PKNOX2: variants seen among roughly 807,000 people sequenced by gnomAD.
PKNOX2 encodes the protein PBX/knotted 1 homeobox 2, also known as homeobox protein PKNOX2.
Under a neutral mutation model 53.1 loss-of-function variants are expected in PKNOX2, and 14 were observed. That is an observed-to-expected ratio of 0.26 (90% confidence interval 0.17 to 0.41). The LOEUF (loss-of-function observed/expected upper bound fraction) is 0.41, where lower values mean the gene tolerates loss of function less well. Among genes scored for constraint, PKNOX2 ranks in the 10% least tolerant of loss-of-function variants. PKNOX2 has a pLI of 1.00. For missense variants in PKNOX2, 496 were observed against 602.8 expected (o/e 0.82, Z 1.85); for synonymous variants, 257 against 242.8 (o/e 1.06, Z -0.54).
At chr11:125,237,104 C>T (rs1942757999) in intron 2 of PKNOX2, among the ~76,000 whole-genome samples, 1 of 152,204 alleles carries the variant, frequency 6.6e-6, no homozygotes, top group Non-Finnish European at 1.5e-5. Flanking sequence ...CTTGCTCCCT[C>T]ATCATTCTGG....
intron 2 of PKNOX2, among the ~76,000 whole-genome samples, chr11:125,243,544 G>T (rs1162895986): frequency 6.6e-6 from 1 of 151,832 alleles, no homozygotes; most frequent in Non-Finnish European, 1.5e-5. Flanking sequence ...TTGTGCCATA[G>T]TTGCTGCACT....
chr11:125,231,900 G>A (rs1825723445), intron 1 of PKNOX2, among the ~76,000 whole-genome samples: 1 of 152,174 alleles, frequency 6.6e-6, no homozygotes, highest in African/African-American at 2.4e-5. Flanking sequence ...AACACTATCA[G>A]CCTTCGAATG....
intron 2 of PKNOX2, among the ~76,000 whole-genome samples, chr11:125,324,883 C>T (rs1949742906): frequency 6.6e-6 from 1 of 152,050 alleles, no homozygotes; most frequent in Non-Finnish European, 1.5e-5. Context: ...GACTCAGAGG[C>T]TGAGGGTCTG....
chr11:125,343,849 T>TA (rs959084100), intron 3 of PKNOX2, among the ~76,000 whole-genome samples: 3 of 151,534 alleles, frequency 2.0e-5, no homozygotes, highest in South Asian at 2.1e-4. Context: ...GAAGCCCAGT[T>TA]AAAAAAAATA....
intron 6 of PKNOX2, among the ~76,000 whole-genome samples, chr11:125,393,115 G>A (rs1261738767): frequency 2.7e-5 from 4 of 148,792 alleles, no homozygotes; most frequent in Non-Finnish European, 4.4e-5. Context: ...AGTCGAGATC[G>A]CGCCACTGCA....
intron 1 of PKNOX2, among the ~76,000 whole-genome samples, chr11:125,175,297 G>A (rs1955635546): frequency 6.6e-6 from 1 of 152,190 alleles, no homozygotes; most frequent in Non-Finnish European, 1.5e-5. Flanking sequence ...AGTCCTCCAC[G>A]GAGCACCATT....
chr11:125,388,820 ACCTC>A (rs1953834401), intron 6 of PKNOX2, among the ~76,000 whole-genome samples: 1 of 151,956 alleles, frequency 6.6e-6, no homozygotes, highest in Non-Finnish European at 1.5e-5. Flanking sequence ...TTCAGTGGGA[ACCTC>A]CCTCCCTCCA....
chr11:125,173,114 A>G (rs1379655817), intron 1 of PKNOX2, among the ~76,000 whole-genome samples: 1 of 152,140 alleles, frequency 6.6e-6, no homozygotes, highest in Non-Finnish European at 1.5e-5. Context: ...TCTTGGCTTT[A>G]TAGGTGAGGA....
chr11:125,320,871 C>T (rs1469223953), intron 2 of PKNOX2, among the ~76,000 whole-genome samples: 1 of 152,182 alleles, frequency 6.6e-6, no homozygotes, highest in Non-Finnish European at 1.5e-5. Flanking sequence ...GGCAACCACA[C>T]AACCTGCTTT....
chr11:125,367,696 A>T, intron 4 of PKNOX2, 150 bp from the exon 5 acceptor site: 1 of 782,772 alleles, frequency 1.3e-6, no homozygotes, highest in Non-Finnish European at 1.9e-6. Flanking sequence ...TAGCACACGT[A>T]CGAATGGATG....
chr11:125,247,811 G>T (rs1192759294), intron 2 of PKNOX2, among the ~76,000 whole-genome samples: 1 of 152,180 alleles, frequency 6.6e-6, no homozygotes, highest in Non-Finnish European at 1.5e-5. Flanking sequence ...AGAGAAGAAT[G>T]ACCCTTAATG....
intron 3 of PKNOX2, among the ~76,000 whole-genome samples, chr11:125,333,549 T>TACACACATACACACACAC (rs1950257393): frequency 7.0e-6 from 1 of 142,248 alleles, no homozygotes; most frequent in Non-Finnish European, 1.6e-5. Context: ...CACACACACA[T>TACACACATACACACACAC]ACACACACAC....
intron 6 of PKNOX2, 43 bp downstream of exon 6, chr11:125,385,765 C>T (rs781166390): frequency 3.2e-6 from 5 of 1,569,762 alleles, no homozygotes; most frequent in Non-Finnish European, 4.3e-6. Context: ...GTCTTCCTAC[C>T]CTCTGACCCC....
intron 5 of PKNOX2, among the ~76,000 whole-genome samples, chr11:125,385,163 T>A (rs151329341): frequency 4.4e-4 from 67 of 152,300 alleles, no homozygotes; most frequent in African/African-American, 1.5e-3. Flanking sequence ...ACCACGAATG[T>A]TCACATCCAG....
intron 4 of PKNOX2, among the ~76,000 whole-genome samples, chr11:125,356,035 C>CG (rs966579700): frequency 8.1e-5 from 12 of 148,520 alleles, no homozygotes; most frequent in Non-Finnish European, 1.3e-4. Context: ...CAGCACCCCC[C>CG]CCCCCACAAC....
chr11:125,226,156 CTGCTT>C (rs1941671465), intron 1 of PKNOX2, among the ~76,000 whole-genome samples: 1 of 152,212 alleles, frequency 6.6e-6, no homozygotes, highest in Admixed American at 6.5e-5. Flanking sequence ...TACAATATGT[CTGCTT>C]TGCAGGCAAG....
At chr11:125,226,410 G>A (rs978874590) in intron 1 of PKNOX2, among the ~76,000 whole-genome samples, 7 of 152,132 alleles carry the variant, frequency 4.6e-5, no homozygotes, top group Admixed American at 1.3e-4. Context: ...AGGGATTTGT[G>A]GACTGCTACC....
At chr11:125,253,969 G>T (rs1281572592) in intron 2 of PKNOX2, among the ~76,000 whole-genome samples, 1 of 152,144 alleles carries the variant, frequency 6.6e-6, no homozygotes, top group African/African-American at 2.4e-5. Context: ...CTCCTGCTGG[G>T]TGGGAGCATC....
chr11:125,244,303 C>T (rs1943394365), intron 2 of PKNOX2, among the ~76,000 whole-genome samples: 1 of 152,242 alleles, frequency 6.6e-6, no homozygotes, highest in South Asian at 2.1e-4. Context: ...GCAGTGAGGC[C>T]TACATGCTGG....
Sources: allele counts gnomAD v4.1 joint callset (sites outside exome capture counted in the v4.1 genomes callset), GRCh38; gene constraint gnomAD v4.1.1; transcripts MANE v1.5; gene names NCBI Gene and HGNC (gene_info 2026-07-23, HGNC 2026-07-21).